The following SH3BGRL variants were observed in gnomAD, a reference collection of about 807,000 sequenced individuals.
SH3BGRL encodes SH3 domain binding glutamate rich protein like, also known as adapter SH3BGRL.
In SH3BGRL, 7 loss-of-function variants were observed where a neutral mutation model predicts 9.8. That is an observed-to-expected ratio of 0.72 (90% CI 0.41 to 1.35). SH3BGRL has a LOEUF of 1.35. Among genes scored for constraint, SH3BGRL ranks in the 40% most tolerant of loss-of-function variants. The pLI is 0.01. For missense variants in SH3BGRL, 73 were observed against 84.4 expected, an observed-to-expected ratio of 0.86 and a Z score of 0.53; for synonymous variants, 36 against 29.1, an observed-to-expected ratio of 1.24 and a Z score of -0.76.
intron 1 of SH3BGRL, among the ~76,000 whole-genome samples, chrX:81,217,314 G>A (rs2047663071): frequency 9.1e-6 from 1 of 109,418 alleles, no homozygotes; most frequent in Non-Finnish European, 1.9e-5. Flanking sequence ...CTGGGTTTGG[G>A]TTTGGATTTT....
chrX:81,241,165 C>T (rs1031095291), intron 1 of SH3BGRL, among the ~76,000 whole-genome samples: 9 of 112,149 alleles, frequency 8.0e-5, no homozygotes, highest in African/African-American at 2.6e-4. Flanking sequence ...ATGATTGGGG[C>T]GGTGCTGACA....
chrX:81,221,944 A>G (rs1359251708), intron 1 of SH3BGRL, among the ~76,000 whole-genome samples: 1 of 111,916 alleles, frequency 8.9e-6, no homozygotes, highest in Non-Finnish European at 1.9e-5. Context: ...AAGCATATGT[A>G]TAGAAGGGAT....
At chrX:81,265,452 A>G (rs1354074229) in intron 1 of SH3BGRL, among the ~76,000 whole-genome samples, 1 of 110,615 alleles carries the variant, frequency 9.0e-6, no homozygotes, top group Non-Finnish European at 1.9e-5. Context: ...GAGTGAGAAC[A>G]TGCGGTGTTT....
At chrX:81,261,537 C>T (rs1046287684) in intron 1 of SH3BGRL, among the ~76,000 whole-genome samples, 3 of 110,944 alleles carry the variant, frequency 2.7e-5, no homozygotes, top group African/African-American at 6.5e-5. Flanking sequence ...AACATATGTG[C>T]GGTCAGAGCT....
At chrX:81,273,521 C>T (rs955037390) in intron 1 of SH3BGRL, among the ~76,000 whole-genome samples, 4 of 111,661 alleles carry the variant, frequency 3.6e-5, no homozygotes, top group African/African-American at 1.3e-4. Context: ...TGAATTACTT[C>T]TGACAATCAT....
At chrX:81,232,871 T>G (rs1380213721) in intron 1 of SH3BGRL, among the ~76,000 whole-genome samples, 1 of 111,741 alleles carries the variant, frequency 8.9e-6, no homozygotes, top group Non-Finnish European at 1.9e-5. Context: ...ATGTCTTTAT[T>G]TAAACTTTTG....
chrX:81,287,242 G>C (rs1377412313), intron 3 of SH3BGRL, among the ~76,000 whole-genome samples: 1 of 111,585 alleles, frequency 9.0e-6, no homozygotes, highest in Non-Finnish European at 1.9e-5. Flanking sequence ...GCCAGACTAA[G>C]AAAAAAGTGG....
chrX:81,268,240 G>T (rs2075764653), intron 1 of SH3BGRL, among the ~76,000 whole-genome samples: 1 of 110,291 alleles, frequency 9.1e-6, no homozygotes, highest in African/African-American at 3.3e-5. Flanking sequence ...TCTGATCTTA[G>T]TTATTTCTTG....
intron 1 of SH3BGRL, among the ~76,000 whole-genome samples, chrX:81,257,156 A>AT (rs1330453073): frequency 9.0e-6 from 1 of 111,526 alleles, no homozygotes; most frequent in Non-Finnish European, 1.9e-5. Flanking sequence ...AATCTAGCTT[A>AT]TTTTTTGACA....
chrX:81,229,235 G>C (rs1214826287), intron 1 of SH3BGRL, among the ~76,000 whole-genome samples: 2 of 111,101 alleles, frequency 1.8e-5, no homozygotes, highest in East Asian at 5.7e-4. Flanking sequence ...CCTCTGGGGG[G>C]AGCATGCATA....
chrX:81,297,417 G>T lies in SH3BGRL; in HGVS notation c.*190G>T, dbSNP rs2147727120. The stretch of plus-strand genomic sequence containing the variant: ...AACATTATGGTGATTATGGTGAGGA[G>T]AATGGGATATTAACATAAAATTATA... On this transcript the variant is annotated 3_prime_UTR_variant, in exon 4 of 4. Coordinates refer to ENST00000373212, the MANE Select transcript of SH3BGRL (RefSeq NM_003022.3). 8.0e-6 allele frequency: 3 copies of T among 375,820 alleles called. No homozygotes were observed. Among genetic ancestry groups the T allele is most frequent in the South Asian group, 5.5e-5 (1 of 18,205 alleles). The allele number at this position is 375,820 out of a possible 1,213,427, so 31.0% of individuals were successfully genotyped here.
chrX:81,218,499 A>G (rs1432517046), intron 1 of SH3BGRL, among the ~76,000 whole-genome samples: 1 of 108,959 alleles, frequency 9.2e-6, no homozygotes, highest in African/African-American at 3.3e-5. Flanking sequence ...TCATTTATGA[A>G]GCTTAGTTTC....
intron 3 of SH3BGRL, among the ~76,000 whole-genome samples, chrX:81,290,898 G>A (rs1933987743): frequency 9.0e-6 from 1 of 110,616 alleles, no homozygotes; most frequent in South Asian, 3.9e-4. Flanking sequence ...ACAAAATACT[G>A]GCTATGGAGC....
chrX:81,243,674 C>A (rs1482667706), intron 1 of SH3BGRL, among the ~76,000 whole-genome samples: 1 of 110,120 alleles, frequency 9.1e-6, no homozygotes, highest in Non-Finnish European at 1.9e-5. Flanking sequence ...CATCTCATGT[C>A]CCCCATAAAT....
At chrX:81,272,122 G>A (rs193260205) in intron 1 of SH3BGRL, among the ~76,000 whole-genome samples, 1,663 of 107,611 alleles carry the variant, frequency 0.015, 32 homozygotes, top group African/African-American at 0.049. Flanking sequence ...GCATGAACCC[G>A]GGAGGCAGAG....
At chrX:81,208,418 TTGAA>T (rs1310724817) in intron 1 of SH3BGRL, among the ~76,000 whole-genome samples, 3 of 112,479 alleles carry the variant, frequency 2.7e-5, no homozygotes, top group African/African-American at 9.7e-5. Context: ...GTCAATCAGA[TTGAA>T]TGTTCTCTGT....
intron 1 of SH3BGRL, among the ~76,000 whole-genome samples, chrX:81,254,296 AT>A (rs1158725651): frequency 9.0e-6 from 1 of 111,614 alleles, no homozygotes; most frequent in Non-Finnish European, 1.9e-5. Flanking sequence ...TATTTAACCA[AT>A]TAGGTAATAT....
intron 1 of SH3BGRL, among the ~76,000 whole-genome samples, chrX:81,218,154 G>C (rs1320693258): frequency 9.1e-6 from 1 of 110,300 alleles, no homozygotes; most frequent in African/African-American, 3.3e-5. Flanking sequence ...TATGTGTTAG[G>C]TGAGTCTCTT....
intron 1 of SH3BGRL, among the ~76,000 whole-genome samples, chrX:81,242,882 A>G (rs756731993): frequency 2.7e-5 from 3 of 112,055 alleles, no homozygotes; most frequent in Non-Finnish European, 3.8e-5. Context: ...AAAGACAGGC[A>G]ATAGAAAATT....
Sources: gnomAD v4.1 joint callset for allele counts (sites outside exome capture counted in the v4.1 genomes callset) on GRCh38, gnomAD v4.1.1 for gene constraint, MANE v1.5 for transcripts, NCBI Gene and HGNC (gene_info 2026-07-23, HGNC 2026-07-21) for gene names.